MSH4: variants seen among roughly 807,000 people sequenced by gnomAD.
MSH4 encodes mutS protein homolog 4.
Under a neutral mutation model 113.7 loss-of-function variants are expected in MSH4, and 106 were observed. That is an observed-to-expected ratio of 0.93 (90% CI 0.80 to 1.10). The LOEUF is 1.10. Ranked by LOEUF, MSH4 falls within the 50% of genes least tolerant of loss-of-function variation. MSH4 has a pLI of 0.00. For missense variants in MSH4, 1,061 were observed against 1,093.7 expected (o/e 0.97, Z 0.42); for synonymous variants, 368 against 380.2 (o/e 0.97, Z 0.37).
At chr1:75,830,148 G>C (rs530100411) in intron 7 of MSH4, among the ~76,000 whole-genome samples, 1 of 152,226 alleles carries the variant, frequency 6.6e-6, no homozygotes, top group Admixed American at 6.5e-5. Flanking sequence ...GCGTGCACAA[G>C]CTTCAGTAGC....
intron 19 of MSH4, among the ~76,000 whole-genome samples, chr1:75,906,312 T>G (rs1652628656): frequency 6.8e-6 from 1 of 148,074 alleles, no homozygotes; most frequent in Non-Finnish European, 1.5e-5. Flanking sequence ...CTATTACTGA[T>G]AAAGACTTAC....
chr1:75,841,871 G>C (rs949415232), intron 7 of MSH4, among the ~76,000 whole-genome samples: 1 of 152,010 alleles, frequency 6.6e-6, no homozygotes, highest in African/African-American at 2.4e-5. Flanking sequence ...GAATATAACC[G>C]CAATATATTC....
intron 17 of MSH4, among the ~76,000 whole-genome samples, chr1:75,896,336 A>G (rs1185220268): frequency 7.4e-6 from 1 of 135,014 alleles, no homozygotes; most frequent in African/African-American, 2.7e-5. Context: ...AAATCTCTTT[A>G]CACACATACA....
chr1:75,882,166 T>G, intron 14 of MSH4, among the ~76,000 whole-genome samples: 1 of 152,116 alleles, frequency 6.6e-6, no homozygotes, highest in Non-Finnish European at 1.5e-5. Flanking sequence ...CTTTTATATC[T>G]CCTTTGCATC....
chr1:75,904,868 C>A (rs1447962742), intron 19 of MSH4, among the ~76,000 whole-genome samples: 1 of 151,924 alleles, frequency 6.6e-6, no homozygotes, highest in Non-Finnish European at 1.5e-5. Flanking sequence ...TTTAAGTTTT[C>A]CAATTTGTTG....
At chr1:75,905,509 A>G (rs965091592) in intron 19 of MSH4, among the ~76,000 whole-genome samples, 2 of 152,050 alleles carry the variant, frequency 1.3e-5, no homozygotes, top group African/African-American at 4.8e-5. Context: ...TGATGAGAAG[A>G]ATTTGTATTC....
chr1:75,868,929 A>G (rs1359116835), intron 9 of MSH4, among the ~76,000 whole-genome samples: 1 of 152,222 alleles, frequency 6.6e-6, no homozygotes, highest in East Asian at 1.9e-4. Context: ...AGACTGATAC[A>G]GTAAATTTTA....
intron 8 of MSH4, among the ~76,000 whole-genome samples, chr1:75,856,161 T>C (rs147951778): frequency 6.0e-4 from 92 of 152,264 alleles, no homozygotes; most frequent in African/African-American, 2.1e-3. Flanking sequence ...AGTCTTCTGG[T>C]CTAGGTTTAA....
intron 9 of MSH4, 104 bp downstream of exon 9, chr1:75,867,692 A>T (rs2100561481): frequency 1.4e-6 from 1 of 706,490 alleles, no homozygotes; most frequent in East Asian, 2.7e-5. Flanking sequence ...TAACATGGCG[A>T]ATTTCCCATA....
intron 19 of MSH4, among the ~76,000 whole-genome samples, chr1:75,904,743 G>C (rs1181282521): frequency 6.8e-6 from 1 of 147,790 alleles, no homozygotes; most frequent in African/African-American, 2.5e-5. Flanking sequence ...TCTTTGAAGG[G>C]AGATTTTTTA....
chr1:75,876,639 G>T (rs1042142263), intron 9 of MSH4, among the ~76,000 whole-genome samples: 7 of 152,016 alleles, frequency 4.6e-5, no homozygotes, highest in African/African-American at 1.7e-4. Flanking sequence ...AACAGTAGTT[G>T]TTTAAGTACC....
At chr1:75,818,241 CA>C (rs1463398776) in intron 6 of MSH4, among the ~76,000 whole-genome samples, 1 of 152,172 alleles carries the variant, frequency 6.6e-6, no homozygotes, top group Non-Finnish European at 1.5e-5. Context: ...CTTACATTTA[CA>C]ATAGAATCCA....
chr1:75,864,067 A>G (rs1651515069), intron 8 of MSH4, among the ~76,000 whole-genome samples: 1 of 151,998 alleles, frequency 6.6e-6, no homozygotes, highest in South Asian at 2.1e-4. Context: ...TTTCTTTGTA[A>G]TTTAGTTTGA....
chr1:75,806,148 T>C (rs1650054134), intron 2 of MSH4, among the ~76,000 whole-genome samples: 1 of 151,936 alleles, frequency 6.6e-6, no homozygotes, highest in Admixed American at 6.6e-5. Context: ...TGTCTTTTAC[T>C]CATTTTTCTT....
chr1:75,886,534 TATTATTATCTATTATATAC>T (rs1652117067), intron 15 of MSH4, among the ~76,000 whole-genome samples: 28 of 65,790 alleles, frequency 4.3e-4, no homozygotes, highest in Admixed American at 1.4e-3. Flanking sequence ...GTATTATATA[TATTATTATCTATTATATAC>T]GATGTATTAT....
At chr1:75,827,986 C>G (rs1023396567) in intron 7 of MSH4, among the ~76,000 whole-genome samples, 4 of 151,984 alleles carry the variant, frequency 2.6e-5, no homozygotes, top group Non-Finnish European at 5.9e-5. Context: ...GAAAATTGCC[C>G]TGGGCAAAGT....
intron 1 of MSH4, among the ~76,000 whole-genome samples, chr1:75,803,366 C>T (rs1649980578): frequency 1.3e-5 from 2 of 152,048 alleles, no homozygotes; most frequent in Admixed American, 1.3e-4. Flanking sequence ...GGCCTCTAAT[C>T]CCAGCACTTT....
chr1:75,838,051 A>G (rs1650870570), intron 7 of MSH4, among the ~76,000 whole-genome samples: 1 of 152,190 alleles, frequency 6.6e-6, no homozygotes, highest in Non-Finnish European at 1.5e-5. Context: ...TAATGTTGAT[A>G]TAAAACATCA....
At chr1:75,821,100 A>G (rs1650398362) in intron 6 of MSH4, among the ~76,000 whole-genome samples, 1 of 151,524 alleles carries the variant, frequency 6.6e-6, no homozygotes, top group African/African-American at 2.4e-5. Context: ...AACAGAATAT[A>G]CATTCTTTTC....
Sources: gnomAD v4.1 joint callset for allele counts (sites outside exome capture counted in the v4.1 genomes callset) on GRCh38, gnomAD v4.1.1 for gene constraint, MANE v1.5 for transcripts, NCBI Gene and HGNC (gene_info 2026-07-23, HGNC 2026-07-21) for gene names.